NUP37: variants seen among roughly 807,000 people sequenced by gnomAD.
NUP37 encodes the protein nucleoporin 37.
A neutral mutation model predicts 45.4 loss-of-function variants in NUP37; 33 were observed. The observed-to-expected ratio is 0.73, with a 90% confidence interval of 0.55 to 0.97. The LOEUF (loss-of-function observed/expected upper bound fraction) is 0.97. Ranked by LOEUF, NUP37 falls within the 50% of genes least tolerant of loss-of-function variation. The probability of loss-of-function intolerance (pLI) is 0.00; values close to 1 mark genes in which losing one functional copy is unlikely to be tolerated. For missense variants in NUP37, 365 were observed against 389.7 expected, an observed-to-expected ratio of 0.94 and a Z score of 0.53; for synonymous variants, 127 against 130.7, an observed-to-expected ratio of 0.97 and a Z score of 0.19.
Position 102,075,092 on chromosome 12 carries a change from C to T in NUP37, c.776G>A (p.Trp259Ter), listed in dbSNP as rs1216686790. ...AAACAGATTTTCACTAATTGTGGACCACCTAAGAAATAAGGAAGCGTAAAA... is the reference window on the plus strand; with the variant it reads ...AAACAGATTTTCACTAATTGTGGACTACCTAAGAAATAAGGAAGCGTAAAA... ...VHMDRACLFR[W>*]STISENLFAT... The change falls in exon 9 of 10, where the codon TGG (tryptophan) becomes TAG (stop). Residue 259 changes from tryptophan (W) to a stop codon, truncating the protein, a stop_gained and splice_region_variant. Coordinates refer to ENST00000552283, the MANE Select transcript of NUP37 (RefSeq NM_024057.4). LOFTEE classifies it high-confidence loss of function. 6.2e-7 allele frequency: 1 copy of T among 1,601,722 alleles called. No homozygotes were observed. Among genetic ancestry groups the T allele is most frequent in the Non-Finnish European group, 8.5e-7 (1 of 1,171,490 alleles).
rs2136767219 is a variant in NUP37, at chr12:102,118,552, T to C, written c.-34A>G. 6.3e-7 allele frequency: 1 copy of C among 1,595,048 alleles called. No homozygotes were observed. On this transcript the variant is annotated 5_prime_UTR_variant, in exon 2 of 10. Transcript: ENST00000552283. ...TCAAAATTCAAGCAGTTGTGAAAATTAAATAGCCTTCTACTGGACAAGGTC... is the reference window on the plus strand; with the variant it reads ...TCAAAATTCAAGCAGTTGTGAAAATCAAATAGCCTTCTACTGGACAAGGTC...
chr12:102,096,822 A>T (rs1049058892), intron 5 of NUP37, among the ~76,000 whole-genome samples: 8 of 152,136 alleles, frequency 5.3e-5, no homozygotes, highest in African/African-American at 1.2e-4. Flanking sequence ...TTCTGTTTTT[A>T]AAAAAATCTT....
intron 3 of NUP37, among the ~76,000 whole-genome samples, chr12:102,104,610 G>A (rs1880071836): frequency 6.6e-6 from 1 of 152,028 alleles, no homozygotes; most frequent in Non-Finnish European, 1.5e-5. Flanking sequence ...CAGGTCTTAT[G>A]TTTAGGTCCC....
intron 3 of NUP37, among the ~76,000 whole-genome samples, chr12:102,108,083 G>A (rs1312330518): frequency 6.6e-6 from 1 of 152,192 alleles, no homozygotes; most frequent in African/African-American, 2.4e-5. Context: ...AGGATACAAA[G>A]TACTGGTTCT....
chr12:102,085,430 A>C (rs780699692), intron 6 of NUP37, among the ~76,000 whole-genome samples: 3 of 152,184 alleles, frequency 2.0e-5, no homozygotes, highest in Middle Eastern at 3.4e-3. Context: ...TAAAAAAAAC[A>C]AAAACAAAAA....
chr12:102,085,641 C>T (rs1879446394), intron 6 of NUP37, 125 bp downstream of exon 6: 1 of 479,622 alleles, frequency 2.1e-6, no homozygotes. Context: ...AATCCAAATG[C>T]CTTTGTGCTG....
In NUP37 at chr12:102,112,252, G is replaced by T; in HGVS notation, c.157-20C>A. ...TTCTTCCTAAGCATACACAGTAAAT[G>T]TTTTAATAAGTAATGAGAACAAACA... On this transcript the variant is annotated intron_variant, in intron 2 of 9. Transcript: ENST00000552283. 6.3e-7 allele frequency: 1 copy of T among 1,584,506 alleles called. No individual in the cohort carries two copies. Among genetic ancestry groups the T allele is most frequent in the Middle Eastern group, 1.7e-4 (1 of 5,998 alleles).
intron 6 of NUP37, 51 bp from the exon 7 acceptor site, chr12:102,077,554 T>C (rs1322946359): frequency 2.0e-6 from 3 of 1,495,768 alleles, no homozygotes; most frequent in Non-Finnish European, 2.7e-6. Flanking sequence ...TCACTAACTA[T>C]ACCTGAAGTG....
chr12:102,110,655 C>G (rs1284236197), intron 3 of NUP37, among the ~76,000 whole-genome samples: 2 of 152,158 alleles, frequency 1.3e-5, no homozygotes, highest in South Asian at 2.1e-4. Context: ...CCAGCCTGGG[C>G]AACAGGCAAA....
intron 2 of NUP37, among the ~76,000 whole-genome samples, chr12:102,113,986 A>T (rs1880389394): frequency 6.6e-6 from 1 of 152,236 alleles, no homozygotes; most frequent in African/African-American, 2.4e-5. Context: ...GGTGAACTTA[A>T]GAGTTAACAG....
intron 7 of NUP37, 160 bp downstream of exon 7, chr12:102,077,162 T>C (rs1043374504): frequency 5.5e-6 from 4 of 722,714 alleles, no homozygotes; most frequent in South Asian, 3.5e-5. Flanking sequence ...GCATAGCAAG[T>C]TTATGTTATA....
intron 5 of NUP37, among the ~76,000 whole-genome samples, chr12:102,098,464 G>A (rs770195045): frequency 6.6e-6 from 1 of 151,856 alleles, no homozygotes; most frequent in Non-Finnish European, 1.5e-5. Flanking sequence ...CATCTGTAAA[G>A]TAACTTGACA....
chr12:102,100,689 T>C (rs755616370), intron 4 of NUP37, among the ~76,000 whole-genome samples: 3 of 152,192 alleles, frequency 2.0e-5, no homozygotes, highest in Admixed American at 6.5e-5. Context: ...TACTGATCAT[T>C]TGTTCCCATG....
intron 6 of NUP37, among the ~76,000 whole-genome samples, chr12:102,081,026 A>G (rs1765403664): frequency 6.6e-6 from 1 of 152,178 alleles, no homozygotes. Flanking sequence ...GACTGCCTGG[A>G]TGGGGCCCAG....
chr12:102,077,249 G>T (rs887453234), intron 7 of NUP37, 73 bp downstream of exon 7: 3 of 1,451,270 alleles, frequency 2.1e-6, no homozygotes, highest in African/African-American at 2.8e-5. Flanking sequence ...ATAACAGGAT[G>T]GATGAGTGGA....
chr12:102,095,849 C>T (rs1015598383), intron 5 of NUP37, among the ~76,000 whole-genome samples: 5 of 152,004 alleles, frequency 3.3e-5, no homozygotes, highest in Admixed American at 6.6e-5. Context: ...ATCTGCTCAG[C>T]GCTATGACAC....
intron 3 of NUP37, among the ~76,000 whole-genome samples, chr12:102,106,894 G>A (rs1039423486): frequency 3.3e-5 from 5 of 152,102 alleles, no homozygotes; most frequent in Admixed American, 6.5e-5. Context: ...TCAGGAAACC[G>A]ACCTTCAGGC....
At position 102,075,127 on chromosome 12, in the gene NUP37, G is replaced by A. The variant is rs1298373061; in HGVS notation, c.774-33C>T. The stretch of plus-strand genomic sequence containing the variant: ...ATAAGGAAGCGTAAAATTAAGTATC[G>A]TATCCTATGGATAATGACAAGCTTT... On this transcript the variant is annotated intron_variant, in intron 8 of 9. Coordinates refer to ENST00000552283, the MANE Select transcript of NUP37 (RefSeq NM_024057.4). The A allele has an allele frequency of 2.2e-5, 29 of 1,338,130 alleles. No individual in the cohort carries two copies. In the Admixed American group the frequency reaches 3.1e-4, roughly 14 times the overall value. 82.9% of individuals were successfully genotyped at this position (1,338,130 alleles called of 1,614,324 possible). A position where few individuals can be genotyped will look rare whatever the true frequency, so the allele number is the denominator to read the frequency against.
chr12:102,100,277 T>C (rs772282684), intron 4 of NUP37, among the ~76,000 whole-genome samples: 13 of 152,322 alleles, frequency 8.5e-5, no homozygotes, highest in South Asian at 6.2e-4. Flanking sequence ...TTCTAAATGA[T>C]TGGAAAGGTT....
Sources: allele counts gnomAD v4.1 joint callset (sites outside exome capture counted in the v4.1 genomes callset), GRCh38; gene constraint gnomAD v4.1.1; transcripts MANE v1.5; gene names NCBI Gene and HGNC (gene_info 2026-07-23, HGNC 2026-07-21).